Variants in NBAS observed in about 807,000 individuals in gnomAD.
NBAS encodes the protein NAG/BC035112 fusion.
A neutral mutation model predicts 302.5 loss-of-function variants in NBAS; 219 were observed. That is an observed-to-expected ratio of 0.72 (90% CI 0.65 to 0.81). NBAS has a LOEUF of 0.81. Among genes scored for constraint, NBAS ranks in the 30% least tolerant of loss-of-function variants. The probability of loss-of-function intolerance (pLI) is 0.00; values close to 1 mark genes in which losing one functional copy is unlikely to be tolerated. For synonymous variants in NBAS, 1,118 were observed against 1,021.6 expected, an observed-to-expected ratio of 1.09 and a Z score of -1.80; for missense variants, 2,932 against 2,841.6, an observed-to-expected ratio of 1.03 and a Z score of -0.72.
the NBAS span, among the ~76,000 whole-genome samples, chr2:14,966,624 T>C: frequency 6.6e-6 from 1 of 152,158 alleles, no homozygotes; most frequent in African/African-American, 2.4e-5. Flanking sequence ...AAAGGTGAAC[T>C]GCACTAATAA....
At chr2:15,370,137 T>C (rs1031787366) in intron 31 of NBAS, among the ~76,000 whole-genome samples, 1 of 152,192 alleles carries the variant, frequency 6.6e-6, no homozygotes, top group Non-Finnish European at 1.5e-5. Flanking sequence ...TATTCTCCAC[T>C]GTTACAAATG....
chr2:15,327,820 T>C lies in NBAS; in HGVS notation c.4512A>G (p.Ala1504=). ...TYQHVPVESF[A]EVLLRTGKLA... is the part of the protein sequence containing the mutation. ...ATTTTCCAGTTCTCAGCAATACTTCTGCAAAGCTTTCCACTGGAACATGCT... is the reference window on the plus strand; with the variant it reads ...ATTTTCCAGTTCTCAGCAATACTTCCGCAAAGCTTTCCACTGGAACATGCT... The change falls in exon 38 of 52, where the codon GCA becomes GCG. Residue 1504 remains alanine, a synonymous_variant. Transcript: ENST00000281513. The C allele has an allele frequency of 6.2e-7, 1 of 1,613,752 alleles. No individual in the cohort carries two copies. Among genetic ancestry groups the C allele is most frequent in the Non-Finnish European group, 8.5e-7 (1 of 1,179,772 alleles).
chr2:14,782,455 A>G, the NBAS span, among the ~76,000 whole-genome samples: 1 of 152,210 alleles, frequency 6.6e-6, no homozygotes, highest in Non-Finnish European at 1.5e-5. Flanking sequence ...AAGTCAAAAA[A>G]TAACATGCTG....
At chr2:15,003,041 G>C in the NBAS span, among the ~76,000 whole-genome samples, 1 of 152,272 alleles carries the variant, frequency 6.6e-6, no homozygotes, top group Admixed American at 6.5e-5. Flanking sequence ...AGCCCAGGCA[G>C]AGAAGGCGCC....
At chr2:15,503,739 A>G (rs1333367082) in intron 11 of NBAS, among the ~76,000 whole-genome samples, 1 of 152,216 alleles carries the variant, frequency 6.6e-6, no homozygotes, top group African/African-American at 2.4e-5. Flanking sequence ...AGCATCAGTA[A>G]TCTCAGATTT....
rs777563559 is a variant in NBAS, at chr2:15,275,505, A to T, written c.5703T>A (p.Phe1901Leu). The change falls in exon 44 of 52, where the codon TTT (phenylalanine) becomes TTA (leucine). Residue 1901 changes from phenylalanine to leucine, a missense_variant. Physicochemically the swap from Phe to Leu is conservative, Grantham distance 22. Transcript: ENST00000281513. The part of the protein sequence containing the change: ...DLITVVDAVT[F>L]SPKAVTKLSV... ...TTACCTTGGTCACAGCTTTTGGAGA[A>T]AATGTAACTGCATCTACCACAGTGA... 4 of 1,614,178 alleles carry T rather than the reference A, an allele frequency of 2.5e-6. No individual in the cohort carries two copies. The highest frequency in any genetic ancestry group is 2.2e-5 in the South Asian group (2 of 91,072).
At chr2:15,467,227 A>G in intron 19 of NBAS, 102 bp downstream of exon 19, 1 of 876,024 alleles carries the variant, frequency 1.1e-6, no homozygotes. Flanking sequence ...TTTCCCAGAA[A>G]AATAGTTCTA....
chr2:15,327,926 T>A (rs1200165483), intron 37 of NBAS, 56 bp from the exon 38 acceptor site: 55 of 1,604,274 alleles, frequency 3.4e-5, no homozygotes, highest in Non-Finnish European at 4.3e-5. Context: ...CCTACAAACA[T>A]ATGCTTAGAA....
intron 4 of NBAS, 140 bp downstream of exon 4, chr2:15,553,921 A>C (rs1469771116): frequency 1.4e-6 from 1 of 730,082 alleles, no homozygotes; most frequent in Non-Finnish European, 2.3e-6. Context: ...AAGTTTAAAC[A>C]ATACTAAATA....
the NBAS span, among the ~76,000 whole-genome samples, chr2:15,029,988 T>A: frequency 3.3e-5 from 5 of 152,336 alleles, no homozygotes; most frequent in African/African-American, 1.2e-4. Context: ...AAGGATTCAT[T>A]TTTCAAAAAA....
intron 21 of NBAS, among the ~76,000 whole-genome samples, chr2:15,440,282 A>G (rs1678297776): frequency 6.6e-6 from 1 of 152,188 alleles, no homozygotes; most frequent in Non-Finnish European, 1.5e-5. Context: ...CTGACACTTC[A>G]CACGGCCCGG....
At chr2:15,395,926 T>C (rs1675843064) in intron 27 of NBAS, among the ~76,000 whole-genome samples, 2 of 152,230 alleles carry the variant, frequency 1.3e-5, no homozygotes, top group South Asian at 4.2e-4. Context: ...TCCTCCAGTG[T>C]TGCATGAGGG....
At chr2:14,960,130 A>G in the NBAS span, among the ~76,000 whole-genome samples, 1 of 152,204 alleles carries the variant, frequency 6.6e-6, no homozygotes, top group East Asian at 1.9e-4. Flanking sequence ...CTGTAAGTGT[A>G]AGAGATGAGG....
At chr2:15,480,445 T>C (rs1200583446) in intron 12 of NBAS, among the ~76,000 whole-genome samples, 1 of 151,080 alleles carries the variant, frequency 6.6e-6, no homozygotes, top group African/African-American at 2.4e-5. Flanking sequence ...TTAATATAAA[T>C]TAATATAATC....
At chr2:15,409,694 T>C (rs1676589060) in intron 25 of NBAS, among the ~76,000 whole-genome samples, 1 of 152,216 alleles carries the variant, frequency 6.6e-6, no homozygotes, top group Non-Finnish European at 1.5e-5. Flanking sequence ...ATCCTAAATA[T>C]TTAAAATATT....
chr2:14,836,876 G>A, the NBAS span, among the ~76,000 whole-genome samples: 13 of 151,644 alleles, frequency 8.6e-5, no homozygotes, highest in Admixed American at 3.3e-4. Flanking sequence ...ATTTTCTAGA[G>A]GTCTTACACA....
At chr2:15,179,685 T>G (rs1346342987) in intron 50 of NBAS, 1 of 156,590 alleles carries the variant, frequency 6.4e-6, no homozygotes, top group Non-Finnish European at 1.4e-5. Context: ...CAAAATGAAT[T>G]GACTCCTTAA....
intron 11 of NBAS, among the ~76,000 whole-genome samples, chr2:15,501,683 G>A (rs11680783): frequency 0.46 from 68,785 of 148,898 alleles, 18,361 homozygotes; most frequent in Non-Finnish European, 0.61. Flanking sequence ...TCCGCCTCCC[G>A]GTTTTTTAAA....
At chr2:15,171,438 TG>T (rs1236107429) in intron 51 of NBAS, among the ~76,000 whole-genome samples, 2 of 152,272 alleles carry the variant, frequency 1.3e-5, no homozygotes, top group South Asian at 2.1e-4. Context: ...ATTTTTAAAT[TG>T]TTTTTTACAT....
Sources: gnomAD v4.1 joint callset for allele counts (sites outside exome capture counted in the v4.1 genomes callset) on GRCh38, gnomAD v4.1.1 for gene constraint, MANE v1.5 for transcripts, NCBI Gene and HGNC (gene_info 2026-07-23, HGNC 2026-07-21) for gene names.